ELAVL1: variants seen among roughly 807,000 people sequenced by gnomAD.
ELAVL1 encodes the protein ELAV-like protein 1.
A neutral mutation model predicts 28.4 loss-of-function variants in ELAVL1; 1 was observed. The ratio of observed to expected loss-of-function variants is 0.04; its 90% CI spans 0.01 to 0.17. ELAVL1 has a LOEUF of 0.17. ELAVL1 is among the 10% of genes least tolerant of loss of function. The pLI, the probability that ELAVL1 is intolerant of heterozygous loss-of-function variation, is 1.00. For synonymous variants in ELAVL1, 174 were observed against 183.5 expected (o/e 0.95, Z 0.42); for missense variants, 157 against 447.2 (o/e 0.35, Z 5.85).
In ELAVL1 at chr19:7,982,465, G is replaced by A. The variant is rs142012952; in HGVS notation, c.173-1279C>T. 1.6e-4 allele frequency among the ~76,000 whole-genome samples: 25 copies of A among 152,290 alleles called. No homozygotes were observed. The East Asian group carries it at 3.7e-3, about 22-fold the overall frequency. ...CAGGGACATCCAGATCCATCTCACC[G>A]ACAGCAAGATTACAAATCCAGCAGA... On this transcript the variant is annotated intron_variant, in intron 2 of 5. Transcript: ENST00000407627. This position sits in a 1 kb window ranked among gnomAD's most constrained non-coding sequence, Gnocchi z 4.3.
chr19:8,001,921 A>G (rs966079326), intron 1 of ELAVL1: 4 of 557,372 alleles, frequency 7.2e-6, no homozygotes, highest in Non-Finnish European at 5.9e-6. Context: ...CCTGACCCTC[A>G]AGCGGTTCAG....
At chr19:7,966,932 T>C (rs1163819484) in intron 5 of ELAVL1, among the ~76,000 whole-genome samples, 3 of 152,124 alleles carry the variant, frequency 2.0e-5, no homozygotes, top group Non-Finnish European at 4.4e-5. Flanking sequence ...AAACCATCTT[T>C]AAAGCTCGCG....
chr19:7,974,835 G>C (rs1985235078), intron 3 of ELAVL1, among the ~76,000 whole-genome samples: 2 of 152,242 alleles, frequency 1.3e-5, no homozygotes, highest in Admixed American at 6.5e-5. Context: ...TCACTGGGCA[G>C]AATCTGCGTG....
intron 2 of ELAVL1, among the ~76,000 whole-genome samples, chr19:7,984,648 C>T (rs1019033078): frequency 7.9e-5 from 12 of 152,176 alleles, no homozygotes; most frequent in African/African-American, 2.9e-4. Flanking sequence ...GATCTCCCTA[C>T]AGGCTGAGCC....
intron 2 of ELAVL1, among the ~76,000 whole-genome samples, chr19:7,983,928 G>C (rs952170763): frequency 7.2e-5 from 11 of 151,962 alleles, no homozygotes; most frequent in Admixed American, 3.9e-4. Context: ...TACCCTCTTG[G>C]GACACCCCTC....
chr19:7,990,547 T>C (rs1194803725), intron 2 of ELAVL1, among the ~76,000 whole-genome samples: 1 of 151,258 alleles, frequency 6.6e-6, no homozygotes, highest in African/African-American at 2.4e-5. Flanking sequence ...TTTGTATTTT[T>C]CGTAAAGATG....
In ELAVL1 at chr19:8,005,209, C is replaced by A. The variant is rs961419818; in HGVS notation, c.-17+286G>T. On this transcript the variant is annotated intron_variant, in intron 1 of 5. Coordinates refer to ENST00000407627, the MANE Select transcript of ELAVL1 (RefSeq NM_001419.3). Reference sequence around the variant, plus strand: ...GCCCGGGCTTCCAAGGCGACCGGGGCCCCCGGCCGTGCAGCCCGGCCCCCC... The same window carrying A: ...GCCCGGGCTTCCAAGGCGACCGGGGACCCCGGCCGTGCAGCCCGGCCCCCC... Among the ~76,000 whole-genome samples the A allele has an allele frequency of 2.0e-5, 3 of 152,060 alleles. No individual in the cohort carries two copies. The South Asian group carries it at 6.2e-4, about 31-fold the overall frequency.
chr19:7,995,916 CTTT>C (rs577024547), intron 1 of ELAVL1, among the ~76,000 whole-genome samples: 2 of 146,128 alleles, frequency 1.4e-5, no homozygotes, highest in Non-Finnish European at 3.0e-5. Context: ...AGTCAGAACA[CTTT>C]TTTTTTTTTT....
In ELAVL1 at chr19:7,959,111, CTTTT is replaced by C. The variant is rs199580649; in HGVS notation, c.*4368_*4371del. ...TGATGGAAAACTGATAAGGGCTTTT[CTTTT>C]TTTTTTTCTGAAAATAATTTAAAAA... is the stretch of plus-strand genomic sequence containing the variant. On this transcript the variant is annotated 3_prime_UTR_variant, in exon 6 of 6. Transcript: ENST00000407627. 7 of 144,748 alleles carry C rather than the reference CTTTT, an allele frequency of 4.8e-5. No individual in the cohort carries two copies. The South Asian group carries it at 1.3e-3, about 27-fold the overall frequency. 9.0% of individuals were successfully genotyped at this position (144,748 alleles called of 1,614,324 possible). A position where few individuals can be genotyped will look rare whatever the true frequency, so the allele number is the denominator to read the frequency against.
intron 2 of ELAVL1, among the ~76,000 whole-genome samples, chr19:7,985,210 G>A (rs535583976): frequency 3.2e-4 from 48 of 152,312 alleles, no homozygotes; most frequent in African/African-American, 1.1e-3. Flanking sequence ...GTGCGCCACC[G>A]CGCCCAGCCT....
intron 1 of ELAVL1, among the ~76,000 whole-genome samples, chr19:7,993,745 C>T (rs1048686098): frequency 2.0e-5 from 3 of 148,984 alleles, no homozygotes; most frequent in Non-Finnish European, 4.5e-5. Flanking sequence ...ATCCCTTTCC[C>T]CAGATCCCTG....
intron 2 of ELAVL1, among the ~76,000 whole-genome samples, chr19:7,990,855 G>A (rs1209809942): frequency 1.3e-5 from 2 of 152,104 alleles, no homozygotes; most frequent in Non-Finnish European, 2.9e-5. Flanking sequence ...GGAGAGCTCC[G>A]CACATGGTCT....
rs1237009987 is a variant in ELAVL1 at position 7,979,209 on chromosome 19, TG to T, written c.276+1873del. ...GCCTGTTTCTGCAGAACTAGGACAG[TG>T]GTGTGAAGCCACTGAGAAGCAGACT... On this transcript the variant is annotated intron_variant, in intron 3 of 5. Transcript: ENST00000407627. The surrounding 1 kb of genome is among the most constrained non-coding windows in gnomAD (Gnocchi z 5.4). Among the ~76,000 whole-genome samples the T allele has an allele frequency of 2.6e-5, 4 of 152,228 alleles. No individual in the cohort carries two copies. Among genetic ancestry groups the T allele is most frequent in the African/African-American group, 9.6e-5 (4 of 41,544 alleles).
intron 1 of ELAVL1, among the ~76,000 whole-genome samples, chr19:7,995,367 C>G (rs568524998): frequency 6.6e-6 from 1 of 152,136 alleles, no homozygotes; most frequent in African/African-American, 2.4e-5. Flanking sequence ...TGCTTTTTCC[C>G]TCATTCTGCT....
At chr19:8,000,032 C>T (rs2081062178) in intron 1 of ELAVL1, among the ~76,000 whole-genome samples, 1 of 152,234 alleles carries the variant, frequency 6.6e-6, no homozygotes, top group South Asian at 2.1e-4. Context: ...CCGCCTTGGC[C>T]TCCCAAAGTG....
At position 7,972,244 on chromosome 19, in the gene ELAVL1, CCT is replaced by C. The variant is rs538777426; in HGVS notation, c.430+1479_430+1480del. 3.7e-3 allele frequency among the ~76,000 whole-genome samples: 571 copies of C among 152,366 alleles called. 1 individual carries two copies. Among genetic ancestry groups the C allele is most frequent in the Admixed American group, 9.7e-3 (148 of 15,306 alleles). On this transcript the variant is annotated intron_variant, in intron 4 of 5. Coordinates refer to ENST00000407627, the MANE Select transcript of ELAVL1 (RefSeq NM_001419.3). ...AATCCCCTCAGGGTGGCCCGAGCTC[CCT>C]GTCCCCCAGGCGGGGCCACGTGCAG... is the stretch of plus-strand genomic sequence containing the variant.
At chr19:8,003,640 C>T (rs1052825985) in intron 1 of ELAVL1, among the ~76,000 whole-genome samples, 4 of 143,254 alleles carry the variant, frequency 2.8e-5, no homozygotes, top group Non-Finnish European at 6.0e-5. Context: ...TGCAGTGAGC[C>T]GAGATCGCAC....
chr19:7,997,772 A>G (rs1362281750), intron 1 of ELAVL1, among the ~76,000 whole-genome samples: 2 of 151,186 alleles, frequency 1.3e-5, no homozygotes, highest in Admixed American at 1.3e-4. Context: ...AGATGCCATC[A>G]TTACAAAAAA....
intron 5 of ELAVL1, among the ~76,000 whole-genome samples, chr19:7,964,863 A>G (rs1478551393): frequency 6.6e-6 from 1 of 152,234 alleles, no homozygotes; most frequent in Non-Finnish European, 1.5e-5. Context: ...ATATCTGAGT[A>G]GCATACATTT....
Sources: gnomAD v4.1 joint callset for allele counts (sites outside exome capture counted in the v4.1 genomes callset) on GRCh38, gnomAD v4.1.1 for gene constraint, Gnocchi (gnomAD v3.1) non-coding constraint, MANE v1.5 for transcripts, NCBI Gene and HGNC (gene_info 2026-07-23, HGNC 2026-07-21) for gene names.